KCNMB2: variants seen among roughly 807,000 people sequenced by gnomAD.
The protein encoded by KCNMB2 is potassium calcium-activated channel subfamily M regulatory beta subunit 2.
KCNMB2 carries 9 observed loss-of-function variants against 24.5 expected under a neutral mutation model. The ratio of observed to expected loss-of-function variants is 0.37; its 90% confidence interval spans 0.22 to 0.64. The LOEUF (loss-of-function observed/expected upper bound fraction) is 0.64. Ranked by LOEUF, KCNMB2 falls within the 30% of genes least tolerant of loss-of-function variation. KCNMB2 has a pLI of 0.63. For synonymous variants in KCNMB2, 109 were observed against 104.4 expected, an observed-to-expected ratio of 1.04 and a Z score of -0.27; for missense variants, 226 against 284.3, an observed-to-expected ratio of 0.79 and a Z score of 1.47.
At chr3:178,710,301 C>A (rs1255029996) in intron 1 of KCNMB2, among the ~76,000 whole-genome samples, 5 of 152,146 alleles carry the variant, frequency 3.3e-5, no homozygotes, top group Non-Finnish European at 7.3e-5. Flanking sequence ...GGTATATTCA[C>A]TTCTGAACTT....
At chr3:178,698,035 C>G (rs1721945998) in intron 1 of KCNMB2, among the ~76,000 whole-genome samples, 1 of 152,024 alleles carries the variant, frequency 6.6e-6, no homozygotes, top group Non-Finnish European at 1.5e-5. Flanking sequence ...CCTTTAACAT[C>G]TTTTCTTTCA....
At chr3:178,765,436 C>A (rs1712074981) in intron 1 of KCNMB2, among the ~76,000 whole-genome samples, 1 of 152,124 alleles carries the variant, frequency 6.6e-6, no homozygotes, top group South Asian at 2.1e-4. Context: ...TCACTTTCTA[C>A]CTTTTCTTCT....
At chr3:178,834,662 G>A (rs940847452) in intron 4 of KCNMB2, among the ~76,000 whole-genome samples, 8 of 152,124 alleles carry the variant, frequency 5.3e-5, no homozygotes, top group African/African-American at 9.7e-5. Context: ...AAGTGGGGGC[G>A]TGGAGGAGGG....
At position 178,704,694 on chromosome 3, in the gene KCNMB2, C is replaced by A. The variant is rs560428566; in HGVS notation, c.-67-102649C>A. 1.0e-3 allele frequency among the ~76,000 whole-genome samples: 153 copies of A among 152,242 alleles called. 2 individuals are homozygous for A. The highest frequency in any genetic ancestry group is 1.7e-3 in the Non-Finnish European group (113 of 68,020). On this transcript the variant is annotated intron_variant, in intron 1 of 4. Transcript: ENST00000452583. Reference sequence around the variant, plus strand: ...GAAAGCAATCACCTTACTTCCTCTCCTACAATTTAAGAACATGAGACTCAA... The same window carrying A: ...GAAAGCAATCACCTTACTTCCTCTCATACAATTTAAGAACATGAGACTCAA...
chr3:178,569,301 C>T (rs956243104), intron 1 of KCNMB2, among the ~76,000 whole-genome samples: 2 of 152,132 alleles, frequency 1.3e-5, no homozygotes, highest in African/African-American at 2.4e-5. Flanking sequence ...TGGCCCCACA[C>T]GATCATGGTG....
intron 1 of KCNMB2, among the ~76,000 whole-genome samples, chr3:178,644,348 G>C (rs1719836147): frequency 6.6e-6 from 1 of 152,210 alleles, no homozygotes; most frequent in Admixed American, 6.5e-5. Context: ...GAGAGGGCCA[G>C]GTGGGGAAGA....
intron 2 of KCNMB2, among the ~76,000 whole-genome samples, chr3:178,817,384 T>G (rs143047132): frequency 1.3e-5 from 2 of 152,024 alleles, no homozygotes; most frequent in East Asian, 3.9e-4. Context: ...CTATAAAATC[T>G]GAAACTAATT....
At chr3:178,652,440 C>T (rs967569807) in intron 1 of KCNMB2, among the ~76,000 whole-genome samples, 1 of 151,036 alleles carries the variant, frequency 6.6e-6, no homozygotes, top group Non-Finnish European at 1.5e-5. Context: ...ACGTTCTGCA[C>T]ATGTACCCCA....
chr3:178,546,585 G>A, intron 1 of KCNMB2, among the ~76,000 whole-genome samples: 1 of 152,180 alleles, frequency 6.6e-6, no homozygotes, highest in East Asian at 1.9e-4. Context: ...ATTATAGCCT[G>A]TTACAGGGAG....
At chr3:178,549,321 T>TG (rs1667407298) in intron 1 of KCNMB2, among the ~76,000 whole-genome samples, 1 of 149,778 alleles carries the variant, frequency 6.7e-6, no homozygotes. Context: ...TTTTTTTTTT[T>TG]TTTTCTTGAG....
At chr3:178,801,434 CT>C (rs1307376528) in intron 1 of KCNMB2, among the ~76,000 whole-genome samples, 2 of 152,196 alleles carry the variant, frequency 1.3e-5, no homozygotes, top group African/African-American at 4.8e-5. Flanking sequence ...ATGCACTCTT[CT>C]TTTCCTCTAC....
rs1403241507 is a variant in KCNMB2, at chr3:178,760,378, TATTA to T, written c.-67-46964_-67-46961del. Among the ~76,000 whole-genome samples, 3 of 135,342 alleles carry T rather than the reference TATTA, an allele frequency of 2.2e-5. No homozygotes were observed. In the Admixed American group the frequency reaches 2.3e-4, roughly 11 times the overall value. 88.8% of individuals were successfully genotyped at this position (135,342 alleles called of 152,430 possible). A position where few individuals can be genotyped will look rare whatever the true frequency, so the allele number is the denominator to read the frequency against. ...TATATATCCATATCCAAGATATATA[TATTA>T]TATATATATCCATATCCAAGATATA... On this transcript the variant is annotated intron_variant, in intron 1 of 4. Transcript: ENST00000452583.
intron 1 of KCNMB2, among the ~76,000 whole-genome samples, chr3:178,598,277 T>C (rs375095834): frequency 6.6e-6 from 1 of 152,228 alleles, no homozygotes; most frequent in East Asian, 1.9e-4. Flanking sequence ...AGTCAAGAGA[T>C]AGCGACATAG....
intron 1 of KCNMB2, among the ~76,000 whole-genome samples, chr3:178,626,058 G>A (rs1016921566): frequency 6.6e-6 from 1 of 152,208 alleles, no homozygotes; most frequent in Non-Finnish European, 1.5e-5. Flanking sequence ...GTTAATTTCA[G>A]AATGCTCTGG....
At chr3:178,747,043 C>A (rs1338568373) in intron 1 of KCNMB2, 8 of 152,616 alleles carry the variant, frequency 5.2e-5, no homozygotes, top group African/African-American at 1.4e-4. Flanking sequence ...TTCCACAGCA[C>A]CCCATTCTAC....
At chr3:178,660,337 T>C (rs1560153067) in intron 1 of KCNMB2, among the ~76,000 whole-genome samples, 1 of 152,156 alleles carries the variant, frequency 6.6e-6, no homozygotes, top group Admixed American at 6.5e-5. Context: ...GAATATTCCC[T>C]ATCTGTGTGA....
chr3:178,729,915 GC>G (rs2108366062), intron 1 of KCNMB2, among the ~76,000 whole-genome samples: 1 of 152,234 alleles, frequency 6.6e-6, no homozygotes, highest in African/African-American at 2.4e-5. Flanking sequence ...CCTCACTCAG[GC>G]TACATGCCCA....
intron 1 of KCNMB2, among the ~76,000 whole-genome samples, chr3:178,567,353 A>G (rs992026847): frequency 1.1e-4 from 16 of 152,196 alleles, no homozygotes; most frequent in Non-Finnish European, 2.9e-5. Flanking sequence ...CCTGAGCAAC[A>G]AATAGAAATG....
intron 1 of KCNMB2, among the ~76,000 whole-genome samples, chr3:178,709,559 C>T (rs181209515): frequency 1.6e-4 from 24 of 152,174 alleles, no homozygotes; most frequent in East Asian, 3.9e-4. Flanking sequence ...ATATACAGTA[C>T]GATTCCCTAA....
Sources: gnomAD v4.1 joint callset for allele counts (sites outside exome capture counted in the v4.1 genomes callset) on GRCh38, gnomAD v4.1.1 for gene constraint, MANE v1.5 for transcripts, NCBI Gene and HGNC (gene_info 2026-07-23, HGNC 2026-07-21) for gene names.